The following ZNF804B variants were observed in gnomAD, a reference collection of about 807,000 sequenced individuals.
ZNF804B encodes zinc finger 804B.
A neutral mutation model predicts 101.4 loss-of-function variants in ZNF804B; 80 were observed. The ratio of observed to expected loss-of-function variants is 0.79; its 90% confidence interval spans 0.66 to 0.95. The LOEUF is 0.95. ZNF804B is among the 40% of genes least tolerant of loss of function. ZNF804B has a pLI of 0.00. For synonymous variants in ZNF804B, 622 were observed against 558.8 expected (o/e 1.11, Z -1.59); for missense variants, 1,673 against 1,561.9 (o/e 1.07, Z -1.20).
rs115703020 is a variant in ZNF804B, at chr7:89,198,774, C to T, written c.109-19381C>T. ...AAAACAAGTACAGAAAAACAAAAAA[C>T]CTAGTCCATGTGTACTCCAGCCAAA... is the stretch of plus-strand genomic sequence containing the variant. On this transcript the variant is annotated intron_variant, in intron 1 of 3. Coordinates refer to ENST00000333190, the MANE Select transcript of ZNF804B (RefSeq NM_181646.5). Among the ~76,000 whole-genome samples the T allele has an allele frequency of 5.1e-3, 777 of 151,790 alleles. 7 individuals are homozygous for T. Among genetic ancestry groups the T allele is most frequent in the African/African-American group, 0.018 (753 of 41,464 alleles).
At chr7:89,255,274 G>A (rs35748157) in intron 2 of ZNF804B, among the ~76,000 whole-genome samples, 25,636 of 152,110 alleles carry the variant, frequency 0.17, 2,779 homozygotes, top group African/African-American at 0.3. Context: ...AACTGCCCCC[G>A]TGATCCAGTC....
chr7:89,130,004 CCTT>C (rs916472428), intron 1 of ZNF804B, among the ~76,000 whole-genome samples: 7 of 151,874 alleles, frequency 4.6e-5, no homozygotes, highest in Non-Finnish European at 8.8e-5. Flanking sequence ...GTAGACTTCT[CCTT>C]CACCTTAAAT....
intron 1 of ZNF804B, among the ~76,000 whole-genome samples, chr7:88,831,517 G>A (rs1220764408): frequency 1.4e-5 from 2 of 144,656 alleles, no homozygotes; most frequent in East Asian, 4.3e-4. Flanking sequence ...CAAATTGTTT[G>A]GTCAAGGACT....
chr7:88,874,835 C>T (rs1223961304), intron 1 of ZNF804B, among the ~76,000 whole-genome samples: 1 of 150,896 alleles, frequency 6.6e-6, no homozygotes, highest in Admixed American at 6.6e-5. Flanking sequence ...GAACTCCCCA[C>T]CCCAAATCAA....
chr7:89,079,369 T>G (rs1334584696), intron 1 of ZNF804B, among the ~76,000 whole-genome samples: 3 of 152,036 alleles, frequency 2.0e-5, no homozygotes, highest in African/African-American at 7.2e-5. Context: ...AAACATAAGA[T>G]AGTTTGGCAA....
chr7:88,846,674 A>G (rs993927664), intron 1 of ZNF804B, among the ~76,000 whole-genome samples: 1 of 151,388 alleles, frequency 6.6e-6, no homozygotes, highest in African/African-American at 2.5e-5. Context: ...TTGGTATAAC[A>G]TTCTTTTCAG....
intron 1 of ZNF804B, among the ~76,000 whole-genome samples, chr7:88,894,138 T>G (rs574974540): frequency 6.6e-6 from 1 of 152,110 alleles, no homozygotes; most frequent in Non-Finnish European, 1.5e-5. Flanking sequence ...TGTTGGAAAA[T>G]AGTTAATTTT....
chr7:89,002,143 C>T (rs934213564), intron 1 of ZNF804B, among the ~76,000 whole-genome samples: 2 of 150,782 alleles, frequency 1.3e-5, no homozygotes, highest in African/African-American at 4.9e-5. Flanking sequence ...AACTAAAACA[C>T]TGTTAAACTA....
chr7:89,122,431 T>C (rs762685140), intron 1 of ZNF804B, among the ~76,000 whole-genome samples: 15 of 152,222 alleles, frequency 9.9e-5, no homozygotes, highest in Admixed American at 5.9e-4. Context: ...ACTTTATTAC[T>C]AACGTTGTTT....
At chr7:88,887,850 G>C (rs1792153651) in intron 1 of ZNF804B, among the ~76,000 whole-genome samples, 3 of 151,648 alleles carry the variant, frequency 2.0e-5, no homozygotes, top group African/African-American at 7.3e-5. Context: ...AACACACACA[G>C]ATGTGGCTTT....
intron 1 of ZNF804B, among the ~76,000 whole-genome samples, chr7:88,999,358 T>C (rs1172772429): frequency 6.6e-6 from 1 of 152,054 alleles, no homozygotes; most frequent in Non-Finnish European, 1.5e-5. Context: ...TTAGTGAGGA[T>C]GTTAAAACTT....
At chr7:88,843,607 G>C (rs1389910564) in intron 1 of ZNF804B, among the ~76,000 whole-genome samples, 3 of 151,970 alleles carry the variant, frequency 2.0e-5, no homozygotes, top group Non-Finnish European at 2.9e-5. Flanking sequence ...CATGGTGGCA[G>C]GTGCCTGTAG....
chr7:89,060,163 A>T (rs916014384), intron 1 of ZNF804B, among the ~76,000 whole-genome samples: 2 of 152,078 alleles, frequency 1.3e-5, no homozygotes, highest in African/African-American at 4.8e-5. Flanking sequence ...ATAGCCTGTC[A>T]TGGGACTTCT....
chr7:89,214,290 T>C (rs1049843370), intron 1 of ZNF804B, among the ~76,000 whole-genome samples: 1 of 152,194 alleles, frequency 6.6e-6, no homozygotes, highest in Non-Finnish European at 1.5e-5. Flanking sequence ...GTCATACATT[T>C]TTTTTCTGTC....
chr7:89,186,878 G>C (rs76983363), intron 1 of ZNF804B, among the ~76,000 whole-genome samples: 2,374 of 152,128 alleles, frequency 0.016, 49 homozygotes, highest in African/African-American at 0.033. Flanking sequence ...TTTTTCTTCT[G>C]CTCACTTTGA....
At chr7:89,017,609 T>G (rs1788589726) in intron 1 of ZNF804B, among the ~76,000 whole-genome samples, 2 of 152,278 alleles carry the variant, frequency 1.3e-5, no homozygotes, top group African/African-American at 2.4e-5. Context: ...TAGCTTTGGA[T>G]AGTATGGCCA....
chr7:89,036,873 G>C (rs933182083), intron 1 of ZNF804B, among the ~76,000 whole-genome samples: 3 of 152,052 alleles, frequency 2.0e-5, no homozygotes, highest in African/African-American at 7.2e-5. Context: ...AGGTCTGTAT[G>C]CTTAAATTGT....
chr7:89,260,137 G>T (rs1382275142), intron 2 of ZNF804B, among the ~76,000 whole-genome samples: 2 of 152,142 alleles, frequency 1.3e-5, no homozygotes, highest in African/African-American at 4.8e-5. Flanking sequence ...AATTCTCATT[G>T]TCCAGGCTTT....
chr7:89,226,067 T>G (rs1789084217), intron 2 of ZNF804B, among the ~76,000 whole-genome samples: 1 of 152,080 alleles, frequency 6.6e-6, no homozygotes, highest in South Asian at 2.1e-4. Context: ...AGTAATCAAC[T>G]AATACAAATT....
Sources: allele counts gnomAD v4.1 joint callset (sites outside exome capture counted in the v4.1 genomes callset), GRCh38; gene constraint gnomAD v4.1.1; transcripts MANE v1.5; gene names NCBI Gene and HGNC (gene_info 2026-07-23, HGNC 2026-07-21).